ESR1: variants seen among roughly 807,000 people sequenced by gnomAD.
ESR1 encodes the protein estrogen receptor 1.
In ESR1, 12 loss-of-function variants were observed where a neutral mutation model predicts 52.7. The ratio of observed to expected loss-of-function variants is 0.23; its 90% CI spans 0.15 to 0.37. The LOEUF is 0.37. Ranked by LOEUF, ESR1 falls within the 10% of genes least tolerant of loss-of-function variation. The probability of loss-of-function intolerance (pLI) is 1.00; values close to 1 mark genes in which losing one functional copy is unlikely to be tolerated. For missense variants in ESR1, 584 were observed against 779.7 expected, an observed-to-expected ratio of 0.75 and a Z score of 2.99; for synonymous variants, 305 against 316.8, an observed-to-expected ratio of 0.96 and a Z score of 0.39.
chr6:151,769,642 G>A (rs1442245879), intron 2 of ESR1, among the ~76,000 whole-genome samples: 2 of 152,206 alleles, frequency 1.3e-5, no homozygotes, highest in Non-Finnish European at 2.9e-5. Context: ...AAGATAGACT[G>A]GGCTACGCAG....
At chr6:151,832,797 G>C (rs1180756812) in intron 1 of ESR1, among the ~76,000 whole-genome samples, 1 of 152,160 alleles carries the variant, frequency 6.6e-6, no homozygotes, top group East Asian at 1.9e-4. Flanking sequence ...CCATACTCTT[G>C]AAAAGCTTAG....
chr6:151,934,501 G>A (rs936419272), intron 3 of ESR1, among the ~76,000 whole-genome samples: 5 of 152,110 alleles, frequency 3.3e-5, no homozygotes, highest in South Asian at 2.1e-4. Context: ...TTTTACATAA[G>A]TGATACATGA....
intron 3 of ESR1, among the ~76,000 whole-genome samples, chr6:151,921,761 C>T (rs1462787530): frequency 6.6e-6 from 1 of 152,112 alleles, no homozygotes. Flanking sequence ...TGTTCATGTC[C>T]TCTTCCAACT....
chr6:151,791,330 C>T (rs1292968575), intron 2 of ESR1, among the ~76,000 whole-genome samples: 1 of 152,128 alleles, frequency 6.6e-6, no homozygotes, highest in South Asian at 2.1e-4. Context: ...ATAAGTCTCA[C>T]GAGATCTGAT....
At chr6:151,815,432 T>C (rs1313547953) in intron 1 of ESR1, among the ~76,000 whole-genome samples, 3 of 152,128 alleles carry the variant, frequency 2.0e-5, no homozygotes, top group African/African-American at 7.2e-5. Flanking sequence ...CTTAGCAAAG[T>C]GCATGGCACG....
At chr6:151,920,383 T>G (rs1246586776) in intron 3 of ESR1, among the ~76,000 whole-genome samples, 1 of 152,100 alleles carries the variant, frequency 6.6e-6, no homozygotes, top group East Asian at 1.9e-4. Flanking sequence ...AAGAGAGTTC[T>G]CATATATGCC....
intron 4 of ESR1, among the ~76,000 whole-genome samples, chr6:151,993,075 G>T (rs1171524941): frequency 6.6e-6 from 1 of 152,022 alleles, no homozygotes; most frequent in Non-Finnish European, 1.5e-5. Context: ...AAGAGCAAAA[G>T]GATCTTTTTC....
chr6:151,689,707 G>T (rs1448730094), upstream of ESR1, among the ~76,000 whole-genome samples: 1 of 152,076 alleles, frequency 6.6e-6, no homozygotes, highest in Non-Finnish European at 1.5e-5. Context: ...TCCTGCCTCC[G>T]CCCCATTCTA....
chr6:152,075,969 A>C (rs1443703015), intron 6 of ESR1, among the ~76,000 whole-genome samples: 1 of 152,224 alleles, frequency 6.6e-6, no homozygotes, highest in East Asian at 1.9e-4. Flanking sequence ...TATTCCACAG[A>C]GGATTTGAAA....
chr6:151,995,510 A>G (rs1018380458), intron 4 of ESR1, among the ~76,000 whole-genome samples: 6 of 152,242 alleles, frequency 3.9e-5, no homozygotes, highest in Non-Finnish European at 7.3e-5. Context: ...GTCCTGCTTC[A>G]AGTAAAATTA....
chr6:152,064,089 C>A (rs1447611477), intron 6 of ESR1, among the ~76,000 whole-genome samples: 1 of 152,194 alleles, frequency 6.6e-6, no homozygotes, highest in Admixed American at 6.5e-5. Context: ...ACTTTGCTTG[C>A]AAAAACCCGG....
chr6:151,784,940 A>AT (rs1311470698), intron 2 of ESR1, among the ~76,000 whole-genome samples: 3 of 152,032 alleles, frequency 2.0e-5, no homozygotes, highest in Non-Finnish European at 4.4e-5. Flanking sequence ...TTCTAGGGAC[A>AT]TTTTTTTCTT....
intron 4 of ESR1, among the ~76,000 whole-genome samples, chr6:151,949,212 T>C (rs1768182406): frequency 6.6e-6 from 1 of 152,208 alleles, no homozygotes; most frequent in East Asian, 1.9e-4. Flanking sequence ...CTGAGGACTT[T>C]AGCAGGCTTC....
At chr6:151,934,222 G>T (rs753249630) in intron 3 of ESR1, among the ~76,000 whole-genome samples, 2 of 152,054 alleles carry the variant, frequency 1.3e-5, no homozygotes, top group East Asian at 1.9e-4. Flanking sequence ...CTTCATTCTG[G>T]TTTCTACAGC....
At chr6:152,038,161 A>G (rs2045473228) in intron 5 of ESR1, among the ~76,000 whole-genome samples, 1 of 152,190 alleles carries the variant, frequency 6.6e-6, no homozygotes, top group Non-Finnish European at 1.5e-5. Context: ...AAAGGATTGG[A>G]GTCCAATGTT....
chr6:151,676,525 T>A (rs1234653880), intron 1 of ESR1, among the ~76,000 whole-genome samples: 1 of 152,202 alleles, frequency 6.6e-6, no homozygotes, highest in African/African-American at 2.4e-5. Context: ...CAAGGAAATA[T>A]AGTTCAGTGC....
chr6:151,940,986 T>C (rs2034988944), intron 3 of ESR1, among the ~76,000 whole-genome samples: 1 of 152,262 alleles, frequency 6.6e-6, no homozygotes, highest in Non-Finnish European at 1.5e-5. Context: ...GTATGACTGC[T>C]GAAGCCTTTT....
chr6:151,797,096 G>A (rs1776782134), intron 2 of ESR1, among the ~76,000 whole-genome samples: 1 of 152,244 alleles, frequency 6.6e-6, no homozygotes, highest in Non-Finnish European at 1.5e-5. Flanking sequence ...AAAGTGAAGA[G>A]CATGTCACTG....
At chr6:151,735,470 A>C (rs1345081701) in intron 2 of ESR1, among the ~76,000 whole-genome samples, 1 of 152,208 alleles carries the variant, frequency 6.6e-6, no homozygotes, top group African/African-American at 2.4e-5. Context: ...TTGCTTGTGA[A>C]TACACAATCA....
Sources: allele counts gnomAD v4.1 joint callset (sites outside exome capture counted in the v4.1 genomes callset), GRCh38; gene constraint gnomAD v4.1.1; transcripts MANE v1.5; gene names NCBI Gene and HGNC (gene_info 2026-07-23, HGNC 2026-07-21).